Variants in DIAPH2 observed in about 807,000 individuals in gnomAD.
The protein encoded by DIAPH2 is diaphanous related formin 2.
A neutral mutation model predicts 92.7 loss-of-function variants in DIAPH2; 35 were observed. The observed-to-expected ratio is 0.38, with a 90% CI of 0.29 to 0.50. The LOEUF (loss-of-function observed/expected upper bound fraction) is 0.50, where lower values mean the gene tolerates loss of function less well. Among genes scored for constraint, DIAPH2 ranks in the 20% least tolerant of loss-of-function variants. The pLI is 0.94. For synonymous variants in DIAPH2, 301 were observed against 280.4 expected (o/e 1.07, Z -0.73); for missense variants, 701 against 819.5 (o/e 0.86, Z 1.77).
At chrX:96,893,779 C>T (rs2065323361) in intron 5 of DIAPH2, among the ~76,000 whole-genome samples, 1 of 112,140 alleles carries the variant, frequency 8.9e-6, no homozygotes, top group African/African-American at 3.2e-5. Flanking sequence ...GGATAGCTGA[C>T]AACTCACAAT....
At chrX:97,171,669 G>A (rs748091671) in intron 22 of DIAPH2, among the ~76,000 whole-genome samples, 1 of 112,027 alleles carries the variant, frequency 8.9e-6, no homozygotes, top group Admixed American at 9.5e-5. Flanking sequence ...GGCTGGGCGC[G>A]GTGGCTCACA....
At chrX:96,796,757 T>C (rs2064543142) in intron 4 of DIAPH2, among the ~76,000 whole-genome samples, 2 of 112,019 alleles carry the variant, frequency 1.8e-5, no homozygotes, top group African/African-American at 6.5e-5. Flanking sequence ...TCAGACATTT[T>C]ACTTGTATAT....
At position 97,049,015 on chromosome X, in the gene DIAPH2, G is replaced by A. The variant is rs193085203; in HGVS notation, c.2051-23926G>A. Among the ~76,000 whole-genome samples the A allele has an allele frequency of 4.8e-5, 5 of 103,251 alleles. No homozygotes were observed. In the East Asian group the frequency reaches 1.4e-3, roughly 30 times the overall value. 89.7% of individuals were successfully genotyped at this position (103,251 alleles called of 115,157 possible). A position where few individuals can be genotyped will look rare whatever the true frequency, so the allele number is the denominator to read the frequency against. ...GTGGGAAATTGTACCTGGATGCTAG[G>A]TGTGTGCTCATTGCTACTGGAATGC... On this transcript the variant is annotated intron_variant, in intron 17 of 26. Coordinates refer to ENST00000324765, the MANE Select transcript of DIAPH2 (RefSeq NM_006729.5).
chrX:97,117,076 A>G (rs2067021829), intron 21 of DIAPH2, among the ~76,000 whole-genome samples: 1 of 111,705 alleles, frequency 9.0e-6, no homozygotes, highest in African/African-American at 3.3e-5. Flanking sequence ...TCCAAAAGTG[A>G]AAGAAGTGAA....
intron 17 of DIAPH2, among the ~76,000 whole-genome samples, chrX:96,982,267 T>C (rs1191026073): frequency 8.9e-6 from 1 of 112,065 alleles, no homozygotes; most frequent in Non-Finnish European, 1.9e-5. Flanking sequence ...TTAAGGATCA[T>C]TGGATGGCTG....
intron 19 of DIAPH2, chrX:97,081,633 A>T (rs1212156014): frequency 9.3e-6 from 1 of 107,355 alleles, no homozygotes; most frequent in Non-Finnish European, 1.9e-5. Flanking sequence ...CCAGCCTGCC[A>T]ACATGGTGAA....
chrX:97,380,490 A>G (rs1255335484), intron 24 of DIAPH2, among the ~76,000 whole-genome samples: 1 of 111,704 alleles, frequency 9.0e-6, no homozygotes, highest in Non-Finnish European at 1.9e-5. Context: ...CTGACCTTAA[A>G]TTTGCTCCTA....
chrX:97,243,786 AT>A (rs2068118004), intron 22 of DIAPH2, among the ~76,000 whole-genome samples: 1 of 111,651 alleles, frequency 9.0e-6, no homozygotes, highest in Non-Finnish European at 1.9e-5. Flanking sequence ...TACTTATATA[AT>A]AATTGGTATG....
chrX:97,487,051 CAT>C (rs772835536), intron 26 of DIAPH2, among the ~76,000 whole-genome samples: 2 of 112,144 alleles, frequency 1.8e-5, no homozygotes, highest in East Asian at 2.8e-4. Flanking sequence ...CTTCACTTAG[CAT>C]ATGTCTCCAG....
chrX:97,544,669 C>T lies in DIAPH2; in HGVS notation c.3242-54584C>T, dbSNP rs2071166040. Among the ~76,000 whole-genome samples, 4 of 111,778 alleles carry T rather than the reference C, an allele frequency of 3.6e-5. No homozygotes were observed. In the South Asian group the frequency reaches 1.5e-3, roughly 42 times the overall value. On this transcript the variant is annotated intron_variant, in intron 26 of 26. Coordinates refer to ENST00000324765, the MANE Select transcript of DIAPH2 (RefSeq NM_006729.5). ...CTATAACATGTACCACAAGATGTTA[C>T]TTTAACAGTTTTGGTTCAAGGGTCA...
At chrX:97,548,981 T>A (rs2071200414) in intron 26 of DIAPH2, among the ~76,000 whole-genome samples, 1 of 112,744 alleles carries the variant, frequency 8.9e-6, no homozygotes, top group African/African-American at 3.2e-5. Flanking sequence ...ATTAAGGGCC[T>A]GCCCATTTAT....
intron 7 of DIAPH2, among the ~76,000 whole-genome samples, chrX:96,913,915 C>A (rs778264553): frequency 2.2e-4 from 24 of 109,887 alleles, no homozygotes; most frequent in Admixed American, 5.9e-4. Flanking sequence ...CTCTTCATAC[C>A]TATAGATAAA....
intron 19 of DIAPH2, among the ~76,000 whole-genome samples, chrX:97,079,248 G>C (rs943841346): frequency 9.0e-6 from 1 of 110,872 alleles, no homozygotes; most frequent in East Asian, 2.8e-4. Context: ...CTGAGCTATT[G>C]AGTTTGGTCA....
chrX:96,982,779 T>G (rs1363932028), intron 17 of DIAPH2, among the ~76,000 whole-genome samples: 1 of 112,527 alleles, frequency 8.9e-6, no homozygotes, highest in East Asian at 2.8e-4. Context: ...TTAATATAGC[T>G]GCATGATAGA....
chrX:96,934,389 A>T lies in DIAPH2; in HGVS notation c.1090-2844A>T, dbSNP rs760768880. Reference sequence around the variant, plus strand: ...TCCCTAATATTCTAGAATACAGTATATTCAAAGCAGCAAATTAGATGTGAC... The same window carrying T: ...TCCCTAATATTCTAGAATACAGTATTTTCAAAGCAGCAAATTAGATGTGAC... On this transcript the variant is annotated intron_variant, in intron 10 of 26. Coordinates refer to ENST00000324765, the MANE Select transcript of DIAPH2 (RefSeq NM_006729.5). Among the ~76,000 whole-genome samples, 129 of 111,544 alleles carry T rather than the reference A, an allele frequency of 1.2e-3. No homozygotes were observed. The Middle Eastern group carries it at 0.019, about 17-fold the overall frequency.
At chrX:96,837,433 C>CTCTGTGTGTGTG (rs1189132418) in intron 4 of DIAPH2, among the ~76,000 whole-genome samples, 1 of 41,342 alleles carries the variant, frequency 2.4e-5, no homozygotes, top group Non-Finnish European at 3.8e-5. Context: ...CTCTCTCTCT[C>CTCTGTGTGTGTG]TGTGTGTGTG....
intron 24 of DIAPH2, among the ~76,000 whole-genome samples, chrX:97,359,097 A>G (rs974815807): frequency 9.0e-6 from 1 of 111,304 alleles, no homozygotes; most frequent in East Asian, 2.8e-4. Context: ...CATGCTAACA[A>G]TCATGACTAC....
At chrX:96,688,143 C>G (rs768169539) in intron 1 of DIAPH2, among the ~76,000 whole-genome samples, 1 of 111,575 alleles carries the variant, frequency 9.0e-6, no homozygotes, top group Non-Finnish European at 1.9e-5. Context: ...TGCAGAACAC[C>G]GCACCCCACA....
At chrX:96,700,991 G>A (rs1225671306) in intron 1 of DIAPH2, among the ~76,000 whole-genome samples, 2 of 111,842 alleles carry the variant, frequency 1.8e-5, no homozygotes, top group African/African-American at 6.5e-5. Flanking sequence ...AGTTGAAGCC[G>A]TTAGGTGTAT....
Sources: allele counts gnomAD v4.1 joint callset (sites outside exome capture counted in the v4.1 genomes callset), GRCh38; gene constraint gnomAD v4.1.1; transcripts MANE v1.5; gene names NCBI Gene and HGNC (gene_info 2026-07-23, HGNC 2026-07-21).